The following LRRTM4 variants were observed in gnomAD, a reference collection of about 807,000 sequenced individuals.
LRRTM4 encodes the protein leucine-rich repeat transmembrane neuronal protein 4.
Under a neutral mutation model 47.6 loss-of-function variants are expected in LRRTM4, and 25 were observed. The observed-to-expected ratio is 0.53, with a 90% CI of 0.38 to 0.73. LRRTM4 has a LOEUF of 0.73. Among genes scored for constraint, LRRTM4 ranks in the 30% least tolerant of loss-of-function variants. The pLI is 0.00. For synonymous variants in LRRTM4, 311 were observed against 269.5 expected (o/e 1.15, Z -1.51); for missense variants, 638 against 713.4 (o/e 0.89, Z 1.20).
At chr2:76,936,712 T>C (rs1192737691) in intron 3 of LRRTM4, among the ~76,000 whole-genome samples, 1 of 151,562 alleles carries the variant, frequency 6.6e-6, no homozygotes, top group African/African-American at 2.4e-5. Flanking sequence ...CCCAGCACTT[T>C]GAGAGGCCAA....
At chr2:77,187,604 C>T (rs1299079671) in intron 3 of LRRTM4, among the ~76,000 whole-genome samples, 1 of 151,688 alleles carries the variant, frequency 6.6e-6, no homozygotes, top group Non-Finnish European at 1.5e-5. Context: ...TGTACATGTA[C>T]CCTAAAACTT....
chr2:77,033,834 T>G (rs887715063), intron 3 of LRRTM4, among the ~76,000 whole-genome samples: 31 of 151,962 alleles, frequency 2.0e-4, no homozygotes, highest in South Asian at 8.3e-4. Context: ...AATTAACTTA[T>G]AAAGGAGGAG....
At chr2:77,130,773 A>C (rs932245796) in intron 3 of LRRTM4, among the ~76,000 whole-genome samples, 2 of 146,658 alleles carry the variant, frequency 1.4e-5, no homozygotes, top group African/African-American at 5.0e-5. Flanking sequence ...GGCCTCCCAA[A>C]GTGCTGGGAT....
At chr2:76,786,270 C>T (rs1454097842) in intron 3 of LRRTM4, among the ~76,000 whole-genome samples, 1 of 151,882 alleles carries the variant, frequency 6.6e-6, no homozygotes, top group African/African-American at 2.4e-5. Context: ...TCCAATTGAT[C>T]AATTTAAGTT....
chr2:77,365,921 T>A (rs1012600045), intron 3 of LRRTM4, among the ~76,000 whole-genome samples: 2 of 147,936 alleles, frequency 1.4e-5, no homozygotes, highest in African/African-American at 2.5e-5. Flanking sequence ...TATATATATA[T>A]AATAATATTT....
intron 3 of LRRTM4, among the ~76,000 whole-genome samples, chr2:76,830,860 T>G (rs951743588): frequency 6.6e-6 from 1 of 152,020 alleles, no homozygotes; most frequent in African/African-American, 2.4e-5. Flanking sequence ...GTCTTTCAGA[T>G]CCAAAAATAG....
At chr2:77,005,312 C>T (rs4853286) in intron 3 of LRRTM4, among the ~76,000 whole-genome samples, 62,691 of 151,818 alleles carry the variant, frequency 0.41, 13,049 homozygotes, top group East Asian at 0.52. Context: ...ACCCAGCTAA[C>T]TTTTGTAATT....
chr2:76,788,088 G>A (rs1254742883), intron 3 of LRRTM4, among the ~76,000 whole-genome samples: 3 of 152,152 alleles, frequency 2.0e-5, no homozygotes, highest in Non-Finnish European at 4.4e-5. Context: ...TTAGGAGACA[G>A]CATTCTTGAT....
chr2:77,042,017 TAAC>T (rs1356196872), intron 3 of LRRTM4, among the ~76,000 whole-genome samples: 2 of 151,234 alleles, frequency 1.3e-5, no homozygotes, highest in African/African-American at 4.8e-5. Flanking sequence ...CAAATAAACA[TAAC>T]AACCGAATGC....
intron 3 of LRRTM4, among the ~76,000 whole-genome samples, chr2:76,965,011 C>A (rs1412074453): frequency 6.6e-6 from 1 of 150,764 alleles, no homozygotes; most frequent in Non-Finnish European, 1.5e-5. Context: ...TCTGATTAAG[C>A]CCATATCTAT....
chr2:76,968,383 T>TATACAC (rs797010446), intron 3 of LRRTM4, among the ~76,000 whole-genome samples: 45 of 111,392 alleles, frequency 4.0e-4, no homozygotes, highest in Non-Finnish European at 6.6e-4. Flanking sequence ...TATATATATA[T>TATACAC]ACACATACAT....
At chr2:76,905,339 A>G (rs990163797) in intron 3 of LRRTM4, among the ~76,000 whole-genome samples, 1 of 152,142 alleles carries the variant, frequency 6.6e-6, no homozygotes, top group African/African-American at 2.4e-5. Flanking sequence ...CCACACCAAA[A>G]TCCCATCTGT....
chr2:76,956,539 A>G (rs1675680326), intron 3 of LRRTM4, among the ~76,000 whole-genome samples: 1 of 151,408 alleles, frequency 6.6e-6, no homozygotes, highest in African/African-American at 2.4e-5. Context: ...ATCTAACTTT[A>G]TACCTCAAAG....
chr2:77,250,997 G>A (rs1675588149), intron 3 of LRRTM4, among the ~76,000 whole-genome samples: 2 of 151,894 alleles, frequency 1.3e-5, no homozygotes, highest in South Asian at 4.1e-4. Context: ...CAGTTATTTG[G>A]AAGGCTGAGG....
chr2:77,146,325 A>G (rs1422300732), intron 3 of LRRTM4, among the ~76,000 whole-genome samples: 4 of 152,144 alleles, frequency 2.6e-5, no homozygotes, highest in Admixed American at 1.3e-4. Context: ...CTGTATTTCC[A>G]ACAATCTTAA....
intron 3 of LRRTM4, among the ~76,000 whole-genome samples, chr2:77,305,394 A>C (rs1340713594): frequency 6.6e-6 from 1 of 152,122 alleles, no homozygotes; most frequent in African/African-American, 2.4e-5. Context: ...AAATGTTAAA[A>C]TACTAATCTC....
At chr2:77,224,604 TA>T (rs1012922296) in intron 3 of LRRTM4, among the ~76,000 whole-genome samples, 19 of 151,852 alleles carry the variant, frequency 1.3e-4, no homozygotes, top group African/African-American at 3.1e-4. Context: ...AAAAAACACA[TA>T]AAAAAATGCT....
intron 3 of LRRTM4, among the ~76,000 whole-genome samples, chr2:77,136,022 C>T (rs564497759): frequency 1.1e-4 from 17 of 152,170 alleles, no homozygotes; most frequent in South Asian, 6.2e-4. Context: ...AACATGGCGG[C>T]GGTTCCAAGA....
Position 77,457,036 on chromosome 2 carries a change from ATATATATATATATATG to A in LRRTM4, c.1551+61266_1551+61281del, listed in dbSNP as rs1241219147. ...TATATATATATATATATATATATATATATATATATATATATGTATAACCTGGAACTCTTTGACAAGC... is the reference window on the plus strand; with the variant it reads ...TATATATATATATATATATATATATATATAACCTGGAACTCTTTGACAAGC... On this transcript the variant is annotated intron_variant, in intron 3 of 3. Transcript: ENST00000409884. Among the ~76,000 whole-genome samples the A allele has an allele frequency of 7.5e-3, 182 of 24,258 alleles. 3 individuals carry two copies. The highest frequency in any genetic ancestry group is 0.023 in the East Asian group (30 of 1,298). The allele number at this position is 24,258 out of a possible 152,430, so 15.9% of individuals were successfully genotyped here. A position where few individuals can be genotyped will look rare whatever the true frequency, so the allele number is the denominator to read the frequency against.
Sources: gnomAD v4.1 joint callset for allele counts (sites outside exome capture counted in the v4.1 genomes callset) on GRCh38, gnomAD v4.1.1 for gene constraint, MANE v1.5 for transcripts, NCBI Gene and HGNC (gene_info 2026-07-23, HGNC 2026-07-21) for gene names.